The following FARP1 variants were observed in gnomAD, a reference collection of about 807,000 sequenced individuals.
FARP1 encodes FERM, ARHGEF and pleckstrin domain-containing protein 1.
A neutral mutation model predicts 128.8 loss-of-function variants in FARP1; 52 were observed. The observed-to-expected ratio is 0.40, with a 90% confidence interval of 0.32 to 0.51. The LOEUF (loss-of-function observed/expected upper bound fraction) is 0.51. FARP1 is among the 20% of genes least tolerant of loss of function. The pLI is 0.45. For missense variants in FARP1, 1,333 were observed against 1,367.9 expected, an observed-to-expected ratio of 0.97 and a Z score of 0.40; for synonymous variants, 580 against 551.8, an observed-to-expected ratio of 1.05 and a Z score of -0.72.
chr13:98,208,282 G>C (rs1214584064), intron 1 of FARP1, among the ~76,000 whole-genome samples: 2 of 149,084 alleles, frequency 1.3e-5, no homozygotes, highest in Non-Finnish European at 1.5e-5. Context: ...GACCAGCCTA[G>C]CCAACATGGT....
intron 1 of FARP1, among the ~76,000 whole-genome samples, chr13:98,179,416 A>G (rs1031672063): frequency 3.3e-5 from 5 of 152,188 alleles, no homozygotes; most frequent in Non-Finnish European, 5.9e-5. Context: ...GCCAAACCAT[A>G]TCAGTGTCCA....
rs765330638 is a variant in FARP1, at chr13:98,448,308, T to A, written c.3129T>A (p.Leu1043=). 20 of 1,612,576 alleles carry A rather than the reference T, an allele frequency of 1.2e-5. No individual in the cohort carries two copies. The change falls in exon 27 of 27, where the codon CTT becomes CTA. Residue 1043 remains leucine, a synonymous_variant. Coordinates refer to ENST00000319562, the MANE Select transcript of FARP1 (RefSeq NM_005766.4). ...RPHVLSHKES[L]VY ...ACGTGTTGAGTCACAAAGAGTCTCT[T>A]GTGTATTGATGGCCGGACACACTCG... is the stretch of plus-strand genomic sequence containing the variant.
chr13:98,322,655 T>A (rs1445315051), intron 2 of FARP1, among the ~76,000 whole-genome samples: 2 of 152,186 alleles, frequency 1.3e-5, no homozygotes, highest in East Asian at 3.9e-4. Context: ...AACTCTTGTG[T>A]GATAGGAAGA....
intron 2 of FARP1, among the ~76,000 whole-genome samples, chr13:98,308,029 CTCTCTTTTTTTTTTTTTTTTTT>C (rs1886257233): frequency 4.4e-5 from 5 of 114,914 alleles, no homozygotes; most frequent in Non-Finnish European, 7.0e-5. Context: ...CCCCCACTCT[CTCTCTTTTTTTTTTTTTTTTTT>C]TTTTTTTTTT....
chr13:98,288,299 A>G (rs1396079517), intron 2 of FARP1, among the ~76,000 whole-genome samples: 1 of 152,098 alleles, frequency 6.6e-6, no homozygotes, highest in South Asian at 2.1e-4. Flanking sequence ...CATCTTTGGG[A>G]TAAAATCTAA....
chr13:98,172,452 G>A (rs1877718704), intron 1 of FARP1, among the ~76,000 whole-genome samples: 1 of 152,064 alleles, frequency 6.6e-6, no homozygotes, highest in Non-Finnish European at 1.5e-5. Context: ...CACCTCCCCA[G>A]GGGTTGTAGC....
chr13:98,267,491 C>G (rs532290746), intron 2 of FARP1, among the ~76,000 whole-genome samples: 13 of 152,200 alleles, frequency 8.5e-5, no homozygotes, highest in Admixed American at 2.6e-4. Flanking sequence ...CTCCCACCCC[C>G]CCATATCCTT....
chr13:98,207,908 C>CCACACA (rs71111934), intron 1 of FARP1, among the ~76,000 whole-genome samples: 8,119 of 71,426 alleles, frequency 0.11, 1,163 homozygotes, highest in East Asian at 0.15. Context: ...ACCACCACCT[C>CCACACA]CACACACACA....
chr13:98,310,199 C>T (rs1301245781), intron 2 of FARP1, among the ~76,000 whole-genome samples: 3 of 152,014 alleles, frequency 2.0e-5, no homozygotes, highest in Admixed American at 6.6e-5. Flanking sequence ...CCCTTCCCGA[C>T]GGCAGCTTTG....
At chr13:98,177,504 G>C (rs1267006408) in intron 1 of FARP1, among the ~76,000 whole-genome samples, 3 of 152,066 alleles carry the variant, frequency 2.0e-5, no homozygotes, top group Non-Finnish European at 4.4e-5. Context: ...AAAATTACCT[G>C]GGTGTGGTGG....
chr13:98,202,229 C>T (rs545888671), intron 1 of FARP1, among the ~76,000 whole-genome samples: 45 of 152,292 alleles, frequency 3.0e-4, no homozygotes, highest in African/African-American at 8.7e-4. Context: ...TGGCAGCTTC[C>T]GGCTCATAAG....
At chr13:98,358,761 G>C (rs966420993) in intron 3 of FARP1, among the ~76,000 whole-genome samples, 15 of 151,392 alleles carry the variant, frequency 9.9e-5, no homozygotes, top group Non-Finnish European at 1.9e-4. Flanking sequence ...TCAGCCTCTC[G>C]AGTAGTTGGG....
intron 2 of FARP1, among the ~76,000 whole-genome samples, chr13:98,220,871 A>C (rs1045475286): frequency 3.3e-5 from 5 of 152,190 alleles, no homozygotes; most frequent in Non-Finnish European, 7.3e-5. Flanking sequence ...TGAAAAAAAA[A>C]ACCAGTATAA....
intron 5 of FARP1, among the ~76,000 whole-genome samples, chr13:98,372,355 C>CA (rs996754974): frequency 2.0e-5 from 3 of 152,214 alleles, no homozygotes; most frequent in Non-Finnish European, 2.9e-5. Flanking sequence ...AAAGTGCTGG[C>CA]ATTACAGGCC....
At chr13:98,177,283 G>T (rs1349645078) in intron 1 of FARP1, 3 of 1,464,380 alleles carry the variant, frequency 2.0e-6, no homozygotes, top group East Asian at 2.3e-5. Flanking sequence ...TCACCCTTGC[G>T]TCGCCCTTGC....
intron 2 of FARP1, among the ~76,000 whole-genome samples, chr13:98,306,308 T>C (rs61289056): frequency 0.072 from 10,900 of 152,232 alleles, 596 homozygotes; most frequent in African/African-American, 0.15. Flanking sequence ...TCTAGTACCT[T>C]TTCTTACGAG....
intron 2 of FARP1, among the ~76,000 whole-genome samples, chr13:98,290,395 C>T (rs1428637213): frequency 2.0e-5 from 3 of 151,880 alleles, no homozygotes; most frequent in Admixed American, 2.0e-4. Context: ...ATGACTTCCC[C>T]ATTTCCCATG....
intron 7 of FARP1, 69 bp from the exon 8 acceptor site, chr13:98,385,598 T>C: frequency 6.4e-7 from 1 of 1,556,994 alleles, no homozygotes. Context: ...AGAAGCTTCT[T>C]AATCTCAAAT....
intron 2 of FARP1, among the ~76,000 whole-genome samples, chr13:98,274,212 T>G (rs9513386): frequency 0.3 from 45,190 of 151,852 alleles, 7,046 homozygotes; most frequent in South Asian, 0.47. Flanking sequence ...GTGAAAAGAT[T>G]TGAAAAATGA....
Sources: gnomAD v4.1 joint callset for allele counts (sites outside exome capture counted in the v4.1 genomes callset) on GRCh38, gnomAD v4.1.1 for gene constraint, MANE v1.5 for transcripts, NCBI Gene and HGNC (gene_info 2026-07-23, HGNC 2026-07-21) for gene names.